The following PLCG2 variants were observed in gnomAD, a reference collection of about 807,000 sequenced individuals.
The protein encoded by PLCG2 is 1-phosphatidylinositol 4,5-bisphosphate phosphodiesterase gamma-2.
A neutral mutation model predicts 175.6 loss-of-function variants in PLCG2; 69 were observed. That is an observed-to-expected ratio of 0.39 (90% CI 0.32 to 0.48). The LOEUF (loss-of-function observed/expected upper bound fraction) is 0.48, where lower values mean the gene tolerates loss of function less well. Among genes scored for constraint, PLCG2 ranks in the 20% least tolerant of loss-of-function variants. The pLI, the probability that PLCG2 is intolerant of heterozygous loss-of-function variation, is 0.91. For synonymous variants in PLCG2, 827 were observed against 624.0 expected, an observed-to-expected ratio of 1.33 and a Z score of -4.85; for missense variants, 1,798 against 1,650.9, an observed-to-expected ratio of 1.09 and a Z score of -1.54.
intron 2 of PLCG2, among the ~76,000 whole-genome samples, chr16:81,853,074 T>C (rs1356329864): frequency 6.6e-6 from 1 of 152,178 alleles, no homozygotes; most frequent in Non-Finnish European, 1.5e-5. Flanking sequence ...CTCACGCCTG[T>C]AATCCTAGCA....
chr16:81,931,409 T>G, intron 24 of PLCG2, 88 bp from the exon 25 acceptor site: 3 of 1,334,046 alleles, frequency 2.2e-6, no homozygotes, highest in Non-Finnish European at 3.2e-6. Context: ...GGTTGGTCCA[T>G]GAGAGAAACA....
At chr16:81,804,054 T>G (rs905979747) in intron 2 of PLCG2, among the ~76,000 whole-genome samples, 1 of 152,232 alleles carries the variant, frequency 6.6e-6, no homozygotes, top group Non-Finnish European at 1.5e-5. Context: ...ATGTTTCCAT[T>G]TCTCTTGGCT....
chr16:81,895,401 T>G (rs886946189), intron 12 of PLCG2, among the ~76,000 whole-genome samples: 1 of 151,912 alleles, frequency 6.6e-6, no homozygotes, highest in Admixed American at 6.6e-5. Flanking sequence ...TCTACTAAAA[T>G]ACAAAAAAAT....
At chr16:81,940,471 C>A (rs1910895157) in intron 30 of PLCG2, among the ~76,000 whole-genome samples, 1 of 151,950 alleles carries the variant, frequency 6.6e-6, no homozygotes, top group Non-Finnish European at 1.5e-5. Flanking sequence ...GGGGGAGTAA[C>A]AATCTCGAGG....
At chr16:81,825,113 C>T (rs900723416) in intron 2 of PLCG2, among the ~76,000 whole-genome samples, 5 of 152,104 alleles carry the variant, frequency 3.3e-5, no homozygotes, top group Non-Finnish European at 7.4e-5. Context: ...CTTAGCCCAG[C>T]GAGACCCGTT....
At chr16:81,751,456 G>C (rs1909810860) in intron 1 of PLCG2, among the ~76,000 whole-genome samples, 1 of 152,208 alleles carries the variant, frequency 6.6e-6, no homozygotes, top group Non-Finnish European at 1.5e-5. Flanking sequence ...TAGAATGGTG[G>C]TTACAGAGGC....
intron 2 of PLCG2, among the ~76,000 whole-genome samples, chr16:81,820,624 A>G (rs553027328): frequency 0.047 from 532 of 11,340 alleles, 6 homozygotes; most frequent in African/African-American, 0.16. Context: ...AACATTACCC[A>G]ATTTTTTTTT....
At chr16:81,856,747 A>G (rs1157359413) in intron 3 of PLCG2, among the ~76,000 whole-genome samples, 1 of 152,224 alleles carries the variant, frequency 6.6e-6, no homozygotes, top group African/African-American at 2.4e-5. Context: ...GAACTTGTGA[A>G]TATATTATCC....
At chr16:81,803,905 C>A (rs534191173) in intron 2 of PLCG2, among the ~76,000 whole-genome samples, 1 of 152,182 alleles carries the variant, frequency 6.6e-6, no homozygotes, top group Non-Finnish European at 1.5e-5. Flanking sequence ...TAGTCTTGAA[C>A]TCCTGGCCTC....
chr16:81,940,266 C>G (rs1304891097), intron 30 of PLCG2, among the ~76,000 whole-genome samples: 3 of 152,158 alleles, frequency 2.0e-5, no homozygotes, highest in Non-Finnish European at 4.4e-5. Context: ...CTATGCCCCT[C>G]AAAGTGGGAT....
chr16:81,806,356 A>C (rs1009057629), intron 2 of PLCG2, among the ~76,000 whole-genome samples: 7 of 152,024 alleles, frequency 4.6e-5, no homozygotes, highest in African/African-American at 1.7e-4. Context: ...GGTAGCTTTA[A>C]TTTCCCACAG....
chr16:81,740,180 AAAG>A (rs1909558612), intron 1 of PLCG2: 1 of 152,138 alleles, frequency 6.6e-6, no homozygotes, highest in African/African-American at 2.4e-5. Context: ...AACAAAAAGA[AAAG>A]AAGAAAACCA....
intron 26 of PLCG2, chr16:81,935,630 C>CAGCATGTTG: frequency 1.0e-5 from 10 of 985,354 alleles, no homozygotes; most frequent in Non-Finnish European, 1.2e-5. Context: ...TCAGCAGGCT[C>CAGCATGTTG]AGCATGTTGA....
Position 81,829,361 on chromosome 16 carries a change from G to A in PLCG2, c.194-25083G>A, listed in dbSNP as rs549430252. 1.3e-3 allele frequency among the ~76,000 whole-genome samples: 198 copies of A among 152,216 alleles called. 1 individual carries two copies. The highest frequency in any genetic ancestry group is 6.8e-3 in the Middle Eastern group (2 of 294). Reference sequence around the variant, plus strand: ...TGACTTCAGGTGATCTGCCCGCCTCGGCCTCCCAAAGTGCTGGGATTACAG... The same window carrying A: ...TGACTTCAGGTGATCTGCCCGCCTCAGCCTCCCAAAGTGCTGGGATTACAG... On this transcript the variant is annotated intron_variant, in intron 2 of 32. Coordinates refer to ENST00000564138, the MANE Select transcript of PLCG2 (RefSeq NM_002661.5).
At chr16:81,820,495 A>G (rs1904746358) in intron 2 of PLCG2, among the ~76,000 whole-genome samples, 2 of 152,236 alleles carry the variant, frequency 1.3e-5, no homozygotes, top group African/African-American at 4.8e-5. Context: ...TAGTGTCAGT[A>G]GTTTTTCCTT....
intron 2 of PLCG2, among the ~76,000 whole-genome samples, chr16:81,818,733 C>T (rs1597335929): frequency 1.3e-5 from 2 of 152,046 alleles, no homozygotes; most frequent in East Asian, 3.9e-4. Flanking sequence ...TGCCCCTTGT[C>T]ATGAGTTTCC....
At chr16:81,799,493 T>C (rs974619754) in intron 2 of PLCG2, among the ~76,000 whole-genome samples, 1 of 152,218 alleles carries the variant, frequency 6.6e-6, no homozygotes, top group African/African-American at 2.4e-5. Flanking sequence ...GGTGTGACCA[T>C]AGGTCACTGT....
At chr16:81,789,164 G>A (rs944212843) in intron 2 of PLCG2, among the ~76,000 whole-genome samples, 1 of 152,116 alleles carries the variant, frequency 6.6e-6, no homozygotes, top group Non-Finnish European at 1.5e-5. Context: ...GAAATTACAG[G>A]GTATTAGAAC....
upstream of PLCG2, among the ~76,000 whole-genome samples, chr16:81,775,123 C>G (rs1597310279): frequency 6.6e-6 from 1 of 152,120 alleles, no homozygotes; most frequent in South Asian, 2.1e-4. Context: ...GTGTACAGTA[C>G]AGAGGCTTCA....
Sources: gnomAD v4.1 joint callset for allele counts (sites outside exome capture counted in the v4.1 genomes callset) on GRCh38, gnomAD v4.1.1 for gene constraint, MANE v1.5 for transcripts, NCBI Gene and HGNC (gene_info 2026-07-23, HGNC 2026-07-21) for gene names.